FHIT: variants seen among roughly 807,000 people sequenced by gnomAD.
The protein encoded by FHIT is fragile histidine triad diadenosine triphosphatase, also known as bis(5'-adenosyl)-triphosphatase.
In FHIT, 19 loss-of-function variants were observed where a neutral mutation model predicts 17.9. The ratio of observed to expected loss-of-function variants is 1.06; its 90% CI spans 0.74 to 1.56. The LOEUF (loss-of-function observed/expected upper bound fraction) is 1.56. FHIT is among the 40% of genes most tolerant of loss of function. The pLI, the probability that FHIT is intolerant of heterozygous loss-of-function variation, is 0.00. For synonymous variants in FHIT, 81 were observed against 69.7 expected, an observed-to-expected ratio of 1.16 and a Z score of -0.81; for missense variants, 248 against 189.2, an observed-to-expected ratio of 1.31 and a Z score of -1.82.
At chr3:59,788,879 A>ATTTTTTTTTTTTTTTTTTTTTTTTTTTT (rs896400961) in intron 8 of FHIT, among the ~76,000 whole-genome samples, 1 of 3,324 alleles carries the variant, frequency 3.0e-4, no homozygotes, top group Non-Finnish European at 7.0e-4. Context: ...CTGAGTTCAT[A>ATTTTTTTTTTTTTTTTTTTTTTTTTTTT]TGTTTTTTTT....
At chr3:60,156,131 A>G (rs990054673) in intron 5 of FHIT, among the ~76,000 whole-genome samples, 5 of 151,978 alleles carry the variant, frequency 3.3e-5, no homozygotes, top group Admixed American at 2.6e-4. Flanking sequence ...AGGCTGGAGG[A>G]TCATGACGTC....
At chr3:60,148,644 C>T (rs60934543) in intron 5 of FHIT, among the ~76,000 whole-genome samples, 18,587 of 151,996 alleles carry the variant, frequency 0.12, 1,803 homozygotes, top group African/African-American at 0.26. Flanking sequence ...TACACCACAC[C>T]GTAGTTAAAG....
At chr3:60,034,991 T>C (rs17061895) in intron 5 of FHIT, among the ~76,000 whole-genome samples, 6,305 of 152,282 alleles carry the variant, frequency 0.041, 447 homozygotes, top group African/African-American at 0.14. Context: ...TTTTTCCCAA[T>C]GCCTCTTTAA....
intron 9 of FHIT, 28 bp downstream of exon 9, chr3:59,752,193 C>G (rs768146401): frequency 3.3e-6 from 5 of 1,530,596 alleles, no homozygotes; most frequent in Non-Finnish European, 3.6e-6. Flanking sequence ...ACGGGAGGGT[C>G]TGGGTAATGA....
At chr3:59,881,076 G>A (rs1254623027) in intron 8 of FHIT, among the ~76,000 whole-genome samples, 2 of 152,170 alleles carry the variant, frequency 1.3e-5, no homozygotes, top group Non-Finnish European at 2.9e-5. Flanking sequence ...CATGTTTGAT[G>A]TATAAACATA....
intron 5 of FHIT, among the ~76,000 whole-genome samples, chr3:60,099,368 T>C (rs920406065): frequency 6.6e-6 from 1 of 152,180 alleles, no homozygotes; most frequent in African/African-American, 2.4e-5. Context: ...TGGAATACAT[T>C]ATTCTCATAA....
chr3:61,136,249 G>A (rs551725319), intron 2 of FHIT, among the ~76,000 whole-genome samples: 108 of 52,382 alleles, frequency 2.1e-3, no homozygotes, highest in East Asian at 7.1e-3. Context: ...CGACCCACCC[G>A]CCACTCCCAG....
At chr3:60,638,553 A>T (rs190896992) in intron 4 of FHIT, among the ~76,000 whole-genome samples, 2 of 152,294 alleles carry the variant, frequency 1.3e-5, no homozygotes, top group East Asian at 3.9e-4. Flanking sequence ...CGTGTACCAG[A>T]TCAATCAAAT....
intron 5 of FHIT, among the ~76,000 whole-genome samples, chr3:60,291,940 A>G (rs1017269098): frequency 2.0e-5 from 3 of 152,146 alleles, no homozygotes; most frequent in Admixed American, 1.3e-4. Context: ...GGCCCTGTCC[A>G]TATCTTGATT....
chr3:60,179,685 G>GT (rs1701837567), intron 5 of FHIT, among the ~76,000 whole-genome samples: 1 of 149,250 alleles, frequency 6.7e-6, no homozygotes, highest in South Asian at 2.1e-4. Context: ...TTGTAAGTGT[G>GT]TAAAAAAAAA....
At chr3:60,097,057 G>A (rs17062198) in intron 5 of FHIT, among the ~76,000 whole-genome samples, 10 of 143,844 alleles carry the variant, frequency 7.0e-5, no homozygotes, top group African/African-American at 1.0e-4. Flanking sequence ...AGAAGAACTC[G>A]AGTCCTTAAA....
chr3:60,365,257 A>C (rs1468993521), intron 5 of FHIT, among the ~76,000 whole-genome samples: 1 of 151,744 alleles, frequency 6.6e-6, no homozygotes, highest in Non-Finnish European at 1.5e-5. Flanking sequence ...CTTTGTAAAA[A>C]TGCATATGGA....
rs1376962860 is a variant in FHIT at position 60,560,814 on chromosome 3, C to CACAT, written c.-17-23836_-17-23835insATGT. Among the ~76,000 whole-genome samples, 162 of 120,452 alleles carry CACAT rather than the reference C, an allele frequency of 1.3e-3. 1 individual carries two copies. In the Middle Eastern group the frequency reaches 0.022, roughly 16 times the overall value. The allele number at this position is 120,452 out of a possible 152,430, so 79.0% of individuals were successfully genotyped here. On this transcript the variant is annotated intron_variant, in intron 4 of 9. Coordinates refer to ENST00000492590, the MANE Select transcript of FHIT (RefSeq NM_002012.4). ...ACTGATGTAAGGAGACACACACACA[C>CACAT]ACACACACACACACACACACACACA...
intron 8 of FHIT, among the ~76,000 whole-genome samples, chr3:59,811,658 T>G (rs1320922258): frequency 6.6e-6 from 1 of 151,922 alleles, no homozygotes; most frequent in Non-Finnish European, 1.5e-5. Context: ...AGGACAATGG[T>G]GGGGGTTGCT....
chr3:61,199,094 A>T (rs909607759), intron 2 of FHIT, among the ~76,000 whole-genome samples: 1 of 152,204 alleles, frequency 6.6e-6, no homozygotes, highest in Non-Finnish European at 1.5e-5. Context: ...CTGAGACTCT[A>T]AGAGGGTGAA....
At chr3:60,060,075 T>C (rs7638558) in intron 5 of FHIT, among the ~76,000 whole-genome samples, 11,657 of 152,204 alleles carry the variant, frequency 0.077, 966 homozygotes, top group African/African-American at 0.21. Context: ...TTTCTTCATA[T>C]TGCCAGACTC....
chr3:60,098,701 G>A (rs1183531584), intron 5 of FHIT, among the ~76,000 whole-genome samples: 1 of 152,130 alleles, frequency 6.6e-6, no homozygotes, highest in Non-Finnish European at 1.5e-5. Flanking sequence ...CTTTTGCTGT[G>A]CAGAAGCTCT....
chr3:60,715,922 T>C (rs1366563501), intron 4 of FHIT, among the ~76,000 whole-genome samples: 2 of 152,126 alleles, frequency 1.3e-5, no homozygotes, highest in Non-Finnish European at 2.9e-5. Context: ...CAGGAGTCTG[T>C]GAAGCACCCT....
intron 7 of FHIT, among the ~76,000 whole-genome samples, chr3:59,958,956 A>G (rs958577122): frequency 1.3e-5 from 2 of 152,194 alleles, no homozygotes; most frequent in Non-Finnish European, 2.9e-5. Flanking sequence ...AGGCATTGAA[A>G]AGCTGTACCA....
Sources: gnomAD v4.1 joint callset for allele counts (sites outside exome capture counted in the v4.1 genomes callset) on GRCh38, gnomAD v4.1.1 for gene constraint, MANE v1.5 for transcripts, NCBI Gene and HGNC (gene_info 2026-07-23, HGNC 2026-07-21) for gene names.